The following SNX7 variants were observed in gnomAD, a reference collection of about 807,000 sequenced individuals.
SNX7 encodes the protein sorting nexin-7.
In SNX7, 35 loss-of-function variants were observed where a neutral mutation model predicts 48.4. The observed-to-expected ratio is 0.72, with a 90% CI of 0.55 to 0.96. The LOEUF is 0.96. Ranked by LOEUF, SNX7 falls within the 40% of genes least tolerant of loss-of-function variation. The pLI is 0.00. For missense variants in SNX7, 553 were observed against 548.9 expected (o/e 1.01, Z -0.07); for synonymous variants, 190 against 190.2 (o/e 1.00, Z 0.01).
Position 98,757,232 on chromosome 1 carries a change from T to C in SNX7, c.1279-2822T>C, listed in dbSNP as rs111634943. Among the ~76,000 whole-genome samples the C allele has an allele frequency of 4.2e-4, 64 of 152,214 alleles. No individual in the cohort carries two copies. The Middle Eastern group carries it at 0.01, about 24-fold the overall frequency. The stretch of plus-strand genomic sequence containing the variant: ...TTACCCAGTCTCAGGTATTTCTTTA[T>C]AGCAATGCAAGAACAGCCCAATACA... On this transcript the variant is annotated intron_variant, in intron 8 of 8. Transcript: ENST00000306121.
intron 7 of SNX7, among the ~76,000 whole-genome samples, chr1:98,709,585 T>A (rs1384606536): frequency 2.0e-5 from 3 of 152,196 alleles, no homozygotes; most frequent in African/African-American, 7.2e-5. Flanking sequence ...AGCACTATTT[T>A]ATATTTTTCT....
At chr1:98,665,032 A>G (rs1649465609) in intron 1 of SNX7, among the ~76,000 whole-genome samples, 1 of 152,202 alleles carries the variant, frequency 6.6e-6, no homozygotes, top group African/African-American at 2.4e-5. Context: ...GGGAAAAACA[A>G]TAAATTAAAA....
intron 4 of SNX7, 84 bp downstream of exon 4, chr1:98,691,783 C>A: frequency 2.6e-6 from 3 of 1,150,054 alleles, no homozygotes; most frequent in Non-Finnish European, 3.5e-6. Context: ...TTTACCGTTA[C>A]AAATCATGCA....
At chr1:98,720,751 A>G (rs11166080) in intron 7 of SNX7, among the ~76,000 whole-genome samples, 86,121 of 151,994 alleles carry the variant, frequency 0.57, 25,187 homozygotes, top group Non-Finnish European at 0.64. Context: ...GAATATTTCT[A>G]TCATCACAGA....
At chr1:98,695,836 C>A in intron 5 of SNX7, 120 bp downstream of exon 5, 1 of 746,354 alleles carries the variant, frequency 1.3e-6, no homozygotes, top group South Asian at 1.7e-5. Flanking sequence ...TGGCTTATTC[C>A]TAGCCATCTT....
At chr1:98,758,343 A>G (rs1654952804) in intron 8 of SNX7, among the ~76,000 whole-genome samples, 1 of 152,036 alleles carries the variant, frequency 6.6e-6, no homozygotes, top group African/African-American at 2.4e-5. Context: ...CATTCTTACT[A>G]GTTGGCTCCT....
At chr1:98,700,271 T>A (rs1200917689) in intron 6 of SNX7, among the ~76,000 whole-genome samples, 1 of 152,182 alleles carries the variant, frequency 6.6e-6, no homozygotes, top group Admixed American at 6.6e-5. Flanking sequence ...TCCATAAAAA[T>A]GATTAATTTC....
intron 1 of SNX7, among the ~76,000 whole-genome samples, chr1:98,677,990 C>CATGTGTGTGTGT (rs1553197439): frequency 2.8e-5 from 4 of 141,778 alleles, no homozygotes; most frequent in East Asian, 2.0e-4. Context: ...TGTGTGTGTG[C>CATGTGTGTGTGT]GTGTGTGTGT....
At chr1:98,754,896 G>C (rs1654766567) in intron 8 of SNX7, among the ~76,000 whole-genome samples, 1 of 151,486 alleles carries the variant, frequency 6.6e-6, no homozygotes, top group African/African-American at 2.4e-5. Context: ...AAGACTAAAG[G>C]CATTGATTTG....
At chr1:98,702,460 T>C (rs1255436685) in intron 7 of SNX7, among the ~76,000 whole-genome samples, 1 of 152,182 alleles carries the variant, frequency 6.6e-6, no homozygotes, top group Non-Finnish European at 1.5e-5. Context: ...TCTCACCATT[T>C]GGCTCAACTT....
intron 7 of SNX7, among the ~76,000 whole-genome samples, chr1:98,706,127 A>G (rs1242700280): frequency 6.6e-6 from 1 of 152,176 alleles, no homozygotes; most frequent in Non-Finnish European, 1.5e-5. Context: ...TATGAACGTC[A>G]CTGTTCCCAG....
chr1:98,729,695 TTAAAGAC>T (rs1253951358), intron 7 of SNX7, among the ~76,000 whole-genome samples: 1 of 151,950 alleles, frequency 6.6e-6, no homozygotes, highest in African/African-American at 2.4e-5. Context: ...CCTAGACACT[TTAAAGAC>T]TGAACCAGGA....
intron 2 of SNX7, among the ~76,000 whole-genome samples, chr1:98,690,391 T>A (rs1651053701): frequency 6.6e-6 from 1 of 152,046 alleles, no homozygotes; most frequent in African/African-American, 2.4e-5. Flanking sequence ...TGGCATGGAT[T>A]TTTGGTTTGT....
chr1:98,669,454 T>C (rs1649726892), intron 1 of SNX7, among the ~76,000 whole-genome samples: 1 of 152,204 alleles, frequency 6.6e-6, no homozygotes, highest in Admixed American at 6.5e-5. Flanking sequence ...ATTGTCACCA[T>C]TTGCCATTCA....
In SNX7 at chr1:98,661,860, G is replaced by A. The variant is rs1172868759; in HGVS notation, c.129G>A (p.Ala43=). 1 of 1,246,954 alleles carries A rather than the reference G, an allele frequency of 8.0e-7. No individual in the cohort carries two copies. The highest frequency in any genetic ancestry group is 1.6e-5 in the African/African-American group (1 of 64,492). The allele number at this position is 1,246,954 out of a possible 1,614,324, so 77.2% of individuals were successfully genotyped here. Residue 43 remains alanine (A), a synonymous_variant, in exon 1 of 9, where the codon GCG becomes GCA. Transcript: ENST00000306121. ...GTGGCTCTTCCGCCCTGCTGCAGGC[G>A]GAGGTGCTGGATCTGGACGAGGACG... ...GSSGSSALLQ[A]EVLDLDEDED...
chr1:98,718,564 A>G (rs1214742005), intron 7 of SNX7, among the ~76,000 whole-genome samples: 4 of 152,156 alleles, frequency 2.6e-5, no homozygotes, highest in African/African-American at 9.6e-5. Context: ...GCTTATAAAA[A>G]TAACCCCAAA....
At chr1:98,756,405 T>C (rs956776298) in intron 8 of SNX7, among the ~76,000 whole-genome samples, 4 of 150,604 alleles carry the variant, frequency 2.7e-5, no homozygotes, top group African/African-American at 7.3e-5. Flanking sequence ...CTGGTCTCTT[T>C]TTTTTCTGCC....
rs1655054015 is a variant in SNX7, at chr1:98,760,397, G to A, written c.*266G>A. The A allele has an allele frequency of 3.4e-6, 1 of 292,506 alleles. No homozygotes were observed. The highest frequency in any genetic ancestry group is 6.3e-6 in the Non-Finnish European group (1 of 158,716). The allele number at this position is 292,506 out of a possible 1,614,324, so 18.1% of individuals were successfully genotyped here. On this transcript the variant is annotated 3_prime_UTR_variant, in exon 9 of 9. Transcript: ENST00000306121. ...GTTTTAATTATGTTCTTAAATTTGT[G>A]TGCCAATAATTGCATATAGATTTTT...
At position 98,760,065 on chromosome 1, in the gene SNX7, G is replaced by C. The variant is rs781296727; in HGVS notation, c.1290G>C (p.Thr430=). Reference sequence around the variant, plus strand: ...TTTCCATTATTCAGTGCCTTGCTACGTGGGAGTCATTCCTTACATCACAGA... The same window carrying C: ...TTTCCATTATTCAGTGCCTTGCTACCTGGGAGTCATTCCTTACATCACAGA... The part of the protein sequence containing the change: ...NIHYYEQCLA[T]WESFLTSQTN... The change falls in exon 9 of 9, where the codon ACG becomes ACC. Residue 430 remains threonine (T), a synonymous_variant. Transcript: ENST00000306121. The C allele has an allele frequency of 5.6e-6, 9 of 1,600,926 alleles. No individual in the cohort carries two copies. The highest frequency in any genetic ancestry group is 1.1e-5 in the South Asian group (1 of 90,812).
Sources: allele counts gnomAD v4.1 joint callset (sites outside exome capture counted in the v4.1 genomes callset), GRCh38; gene constraint gnomAD v4.1.1; transcripts MANE v1.5; gene names NCBI Gene and HGNC (gene_info 2026-07-23, HGNC 2026-07-21).